Variants in TSNARE1 observed in about 807,000 individuals in gnomAD.
TSNARE1 encodes t-SNARE domain containing 1, also known as t-SNARE domain-containing protein 1.
TSNARE1 carries 49 observed loss-of-function variants against 62.0 expected under a neutral mutation model. The observed-to-expected ratio is 0.79, with a 90% CI of 0.63 to 1.00. TSNARE1 has a LOEUF of 1.00. Ranked by LOEUF, TSNARE1 falls within the 50% of genes least tolerant of loss-of-function variation. The pLI is 0.00. For synonymous variants in TSNARE1, 328 were observed against 294.4 expected (o/e 1.11, Z -1.17); for missense variants, 755 against 700.1 (o/e 1.08, Z -0.88).
intron 6 of TSNARE1, among the ~76,000 whole-genome samples, chr8:142,325,824 C>G (rs1167481370): frequency 6.6e-6 from 1 of 152,104 alleles, no homozygotes; most frequent in African/African-American, 2.4e-5. Flanking sequence ...AGACCAGGGC[C>G]CTGGAGAGCA....
chr8:142,392,844 G>T (rs1297427112), intron 1 of TSNARE1, among the ~76,000 whole-genome samples: 1 of 152,080 alleles, frequency 6.6e-6, no homozygotes, highest in African/African-American at 2.4e-5. Context: ...AGAGGCTGAG[G>T]CAGGAGAATT....
At chr8:142,348,825 G>A (rs894687299) in intron 2 of TSNARE1, among the ~76,000 whole-genome samples, 2 of 152,264 alleles carry the variant, frequency 1.3e-5, no homozygotes, top group Admixed American at 6.5e-5. Context: ...GTGTATCTGA[G>A]TTATTTATGA....
chr8:142,218,258 AGGCTCAGGGTGTGGCCAGGGTCAG>A lies in TSNARE1; in HGVS notation c.*12-5969_*12-5946del, dbSNP rs1419215508. On this transcript the variant is annotated intron_variant, in intron 13 of 13. Coordinates refer to ENST00000524325, the MANE Select transcript of TSNARE1 (RefSeq NM_145003.5). The stretch of plus-strand genomic sequence containing the variant: ...ATCTGGGTTCAGTGTGACCGGGATC[AGGCTCAGGGTGTGGCCAGGGTCAG>A]GGCTCAGGGTGTGGCCAGGGTCAGG... Among the ~76,000 whole-genome samples, 62 of 53,102 alleles carry A rather than the reference AGGCTCAGGGTGTGGCCAGGGTCAG, an allele frequency of 1.2e-3. No homozygotes were observed. In the Middle Eastern group the frequency reaches 0.039, roughly 34 times the overall value. 34.8% of individuals were successfully genotyped at this position (53,102 alleles called of 152,430 possible). A position where few individuals can be genotyped will look rare whatever the true frequency, so the allele number is the denominator to read the frequency against.
chr8:142,271,581 G>T, intron 12 of TSNARE1: 2 of 1,421,446 alleles, frequency 1.4e-6, no homozygotes, highest in Non-Finnish European at 1.8e-6. Context: ...GAGGAGGTGG[G>T]TGCGTGGAAG....
intron 12 of TSNARE1, among the ~76,000 whole-genome samples, chr8:142,233,253 G>A (rs546318066): frequency 2.6e-5 from 4 of 152,352 alleles, no homozygotes; most frequent in East Asian, 3.9e-4. Context: ...CGTGAGGCAC[G>A]AAGAGCTGGC....
chr8:142,277,666 G>A, intron 11 of TSNARE1: 4 of 985,438 alleles, frequency 4.1e-6, no homozygotes, highest in Non-Finnish European at 4.8e-6. Flanking sequence ...GTCAGCAGCA[G>A]GGCAGGCCAC....
chr8:142,272,533 A>T, intron 12 of TSNARE1: 1 of 368,890 alleles, frequency 2.7e-6, no homozygotes, highest in Non-Finnish European at 3.2e-6. Flanking sequence ...TCCTCCTTCC[A>T]TCTACCCACC....
rs141417015 is a variant in TSNARE1 at position 142,221,226 on chromosome 8, T to C, written c.*11+8247A>G. ...AGAGAATGCCCATTAAAGCACCTAC[T>C]AAGTGCTTGGCAGACAGAAGATAAC... is the stretch of plus-strand genomic sequence containing the variant. On this transcript the variant is annotated intron_variant, in intron 13 of 13. Coordinates refer to ENST00000524325, the MANE Select transcript of TSNARE1 (RefSeq NM_145003.5). Among the ~76,000 whole-genome samples, 222 of 152,318 alleles carry C rather than the reference T, an allele frequency of 1.5e-3. 3 individuals are homozygous for C. The highest frequency in any genetic ancestry group is 3.4e-3 in the Middle Eastern group (1 of 294).
At chr8:142,290,065 G>A (rs531621316) in intron 10 of TSNARE1, among the ~76,000 whole-genome samples, 38 of 152,282 alleles carry the variant, frequency 2.5e-4, no homozygotes, top group African/African-American at 6.5e-4. Context: ...GAGGAAGCTC[G>A]GGGCAGGCGC....
chr8:142,217,406 C>A (rs145582377), intron 13 of TSNARE1, among the ~76,000 whole-genome samples: 3 of 151,894 alleles, frequency 2.0e-5, no homozygotes, highest in Admixed American at 2.0e-4. Flanking sequence ...AAGCAAGCAA[C>A]GGCGTAAGGA....
intron 10 of TSNARE1, among the ~76,000 whole-genome samples, chr8:142,295,287 T>C (rs1824493589): frequency 1.3e-5 from 2 of 152,202 alleles, no homozygotes; most frequent in Admixed American, 1.3e-4. Flanking sequence ...CCCTGCACCC[T>C]CCAGAGACAG....
intron 12 of TSNARE1, among the ~76,000 whole-genome samples, chr8:142,243,060 T>C (rs1195626496): frequency 6.6e-6 from 1 of 152,020 alleles, no homozygotes; most frequent in Non-Finnish European, 1.5e-5. Flanking sequence ...TCACACCTGT[T>C]AGAATGGCTT....
intron 9 of TSNARE1, among the ~76,000 whole-genome samples, chr8:142,312,273 A>G (rs1294866929): frequency 6.6e-6 from 1 of 152,186 alleles, no homozygotes; most frequent in Non-Finnish European, 1.5e-5. Context: ...CTATTTGAAT[A>G]TCTGCATCAC....
At position 142,367,144 on chromosome 8, in the gene TSNARE1, T is replaced by C. The variant is rs531982391; in HGVS notation, c.-39-12381A>G. On this transcript the variant is annotated intron_variant, in intron 1 of 13. Coordinates refer to ENST00000524325, the MANE Select transcript of TSNARE1 (RefSeq NM_145003.5). ...AAGTGATCAAACAGAAAGCTATCCC[T>C]TGTTCTTGAATAGAATGACTGTATC... Among the ~76,000 whole-genome samples, 6 of 152,332 alleles carry C rather than the reference T, an allele frequency of 3.9e-5. No individual in the cohort carries two copies. In the South Asian group the frequency reaches 1.2e-3, roughly 32 times the overall value.
chr8:142,381,205 G>A (rs1266041714), intron 1 of TSNARE1, among the ~76,000 whole-genome samples: 1 of 152,200 alleles, frequency 6.6e-6, no homozygotes, highest in Non-Finnish European at 1.5e-5. Context: ...TGGAGCACCA[G>A]GGAAACTCCT....
chr8:142,318,054 G>A (rs1257817387), intron 7 of TSNARE1, among the ~76,000 whole-genome samples: 1 of 152,206 alleles, frequency 6.6e-6, no homozygotes, highest in Non-Finnish European at 1.5e-5. Context: ...CAGTGGGTAT[G>A]CTGATGGCCA....
intron 12 of TSNARE1, among the ~76,000 whole-genome samples, chr8:142,256,001 C>T (rs1357603753): frequency 1.1e-4 from 7 of 61,656 alleles, no homozygotes; most frequent in Admixed American, 5.3e-4. Flanking sequence ...GTCACCATCA[C>T]CACCACCATC....
intron 1 of TSNARE1, among the ~76,000 whole-genome samples, chr8:142,385,210 A>T (rs1837032759): frequency 2.0e-5 from 3 of 152,184 alleles, no homozygotes; most frequent in Non-Finnish European, 4.4e-5. Context: ...GTCAAAAGAC[A>T]ATACAGTGAC....
intron 2 of TSNARE1, among the ~76,000 whole-genome samples, chr8:142,348,481 T>G (rs931578694): frequency 1.3e-5 from 2 of 151,418 alleles, no homozygotes; most frequent in African/African-American, 4.8e-5. Context: ...CGCCCCAAGC[T>G]GGCTGCTCCC....
Sources: allele counts gnomAD v4.1 joint callset (sites outside exome capture counted in the v4.1 genomes callset), GRCh38; gene constraint gnomAD v4.1.1; transcripts MANE v1.5; gene names NCBI Gene and HGNC (gene_info 2026-07-23, HGNC 2026-07-21).